SEMA3D: variants seen among roughly 807,000 people sequenced by gnomAD.
SEMA3D encodes semaphorin 3D, also known as semaphorin-3D.
A neutral mutation model predicts 100.1 loss-of-function variants in SEMA3D; 84 were observed. That is an observed-to-expected ratio of 0.84 (90% confidence interval 0.70 to 1.01). SEMA3D has a LOEUF of 1.01. Ranked by LOEUF, SEMA3D falls within the 50% of genes least tolerant of loss-of-function variation. The probability of loss-of-function intolerance (pLI) is 0.00; values close to 1 mark genes in which losing one functional copy is unlikely to be tolerated. For synonymous variants in SEMA3D, 312 were observed against 320.7 expected (o/e 0.97, Z 0.29); for missense variants, 875 against 934.1 (o/e 0.94, Z 0.82).
chr7:85,018,411 T>C, intron 14 of SEMA3D, 118 bp from the exon 15 acceptor site: 1 of 674,902 alleles, frequency 1.5e-6, no homozygotes, highest in Non-Finnish European at 2.6e-6. Context: ...CTCTGTTACA[T>C]AAGGAAATAA....
chr7:85,006,694 T>C, intron 18 of SEMA3D, 108 bp downstream of exon 18: 2 of 912,652 alleles, frequency 2.2e-6, no homozygotes, highest in Non-Finnish European at 3.1e-6. Context: ...CCTGTTATTT[T>C]TTTTAATCAA....
At chr7:85,161,805 C>T (rs1196832058) in intron 1 of SEMA3D, among the ~76,000 whole-genome samples, 1 of 152,080 alleles carries the variant, frequency 6.6e-6, no homozygotes, top group Non-Finnish European at 1.5e-5. Flanking sequence ...GTTAGCAAAA[C>T]AGGTATGTCA....
At chr7:85,201,298 C>T in the SEMA3D span, among the ~76,000 whole-genome samples, 46 of 152,256 alleles carry the variant, frequency 3.0e-4, no homozygotes, top group Non-Finnish European at 5.9e-4. Context: ...TAGCTTTGAT[C>T]GCCTACACTT....
chr7:85,040,245 T>C (rs1363745495), intron 11 of SEMA3D, among the ~76,000 whole-genome samples: 1 of 152,062 alleles, frequency 6.6e-6, no homozygotes, highest in Non-Finnish European at 1.5e-5. Flanking sequence ...CCCAAAGTGC[T>C]GGGATTATAG....
intron 1 of SEMA3D, among the ~76,000 whole-genome samples, chr7:85,169,065 A>G (rs1791012832): frequency 6.6e-6 from 1 of 151,550 alleles, no homozygotes; most frequent in South Asian, 2.1e-4. Context: ...TTTTATCATT[A>G]TTTTCTTATA....
rs1030251648 is a variant in SEMA3D, at chr7:85,152,390, G to T, written c.-41+1218C>A. Among the ~76,000 whole-genome samples, 3 of 152,178 alleles carry T rather than the reference G, an allele frequency of 2.0e-5. 1 individual carries two copies. Among genetic ancestry groups the T allele is most frequent in the African/African-American group, 7.2e-5 (3 of 41,550 alleles). ...TATATGGTAGTCAAAAGACATCATTGTTCTTGCCCTAAAATTAATAGTTTA... is the reference window on the plus strand; with the variant it reads ...TATATGGTAGTCAAAAGACATCATTTTTCTTGCCCTAAAATTAATAGTTTA... On this transcript the variant is annotated intron_variant, in intron 2 of 18. Transcript: ENST00000284136.
intron 2 of SEMA3D, among the ~76,000 whole-genome samples, chr7:85,134,073 T>A (rs1425237780): frequency 6.6e-6 from 1 of 151,982 alleles, no homozygotes; most frequent in Non-Finnish European, 1.5e-5. Context: ...TTAGATAAGG[T>A]CCCTATTGCA....
the SEMA3D span, among the ~76,000 whole-genome samples, chr7:85,195,102 T>A: frequency 6.6e-6 from 1 of 152,174 alleles, no homozygotes; most frequent in Non-Finnish European, 1.5e-5. Context: ...TCCATTGGCA[T>A]ACATTAAGAT....
chr7:85,225,099 T>C, the SEMA3D span, among the ~76,000 whole-genome samples: 38 of 24,888 alleles, frequency 1.5e-3, no homozygotes, highest in Admixed American at 2.8e-3. Context: ...TATATATATA[T>C]ATATATACAT....
intron 3 of SEMA3D, among the ~76,000 whole-genome samples, chr7:85,115,875 T>G (rs1329744308): frequency 6.6e-6 from 1 of 152,160 alleles, no homozygotes; most frequent in African/African-American, 2.4e-5. Context: ...AGTGCATGTT[T>G]AATAGTATAA....
At chr7:85,040,348 G>C (rs943429221) in intron 11 of SEMA3D, among the ~76,000 whole-genome samples, 1 of 151,986 alleles carries the variant, frequency 6.6e-6, no homozygotes, top group Non-Finnish European at 1.5e-5. Flanking sequence ...TTCCTATGGG[G>C]AAGGTATATG....
At chr7:85,036,240 G>C (rs1407781266) in intron 12 of SEMA3D, among the ~76,000 whole-genome samples, 1 of 151,962 alleles carries the variant, frequency 6.6e-6, no homozygotes, top group Non-Finnish European at 1.5e-5. Flanking sequence ...CACTTAAAAT[G>C]CATGTAACAG....
chr7:85,113,777 G>GAA (rs5885450), intron 3 of SEMA3D, among the ~76,000 whole-genome samples: 19 of 150,002 alleles, frequency 1.3e-4, no homozygotes, highest in South Asian at 4.3e-4. Flanking sequence ...CTCAAAAAAA[G>GAA]AAAAAAAAGA....
intron 2 of SEMA3D, chr7:85,140,508 C>T: frequency 1.0e-6 from 1 of 983,954 alleles, no homozygotes; most frequent in Non-Finnish European, 1.2e-6. Context: ...AAAATTGAGA[C>T]ACTGTTGATC....
rs1316755789 is a variant in SEMA3D at position 85,055,953 on chromosome 7, G to T, written c.719-94C>A. On this transcript the variant is annotated intron_variant, in intron 8 of 18. Coordinates refer to ENST00000284136, the MANE Select transcript of SEMA3D (RefSeq NM_001384900.1). ...TTCCACGTAAAAGCAATTAGCAGTA[G>T]AATTTTTAAAAAATGAACTATAAGC... 7 of 653,362 alleles carry T rather than the reference G, an allele frequency of 1.1e-5. No homozygotes were observed. In the Admixed American group the frequency reaches 2.1e-4, roughly 19 times the overall value. 40.5% of individuals were successfully genotyped at this position (653,362 alleles called of 1,614,324 possible). A position where few individuals can be genotyped will look rare whatever the true frequency, so the allele number is the denominator to read the frequency against.
At chr7:85,240,998 G>T in the SEMA3D span, among the ~76,000 whole-genome samples, 1 of 151,968 alleles carries the variant, frequency 6.6e-6, no homozygotes, top group African/African-American at 2.4e-5. Context: ...ATCAAATAGT[G>T]TGCTAAGAAT....
chr7:85,097,739 A>T, intron 4 of SEMA3D, 66 bp downstream of exon 4: 2 of 1,072,406 alleles, frequency 1.9e-6, no homozygotes, highest in Non-Finnish European at 2.7e-6. Flanking sequence ...AAAGCAAAAC[A>T]AAACGGGAGA....
At chr7:85,003,661 AATT>A (rs1415470043) in intron 18 of SEMA3D, among the ~76,000 whole-genome samples, 1 of 151,988 alleles carries the variant, frequency 6.6e-6, no homozygotes, top group African/African-American at 2.4e-5. Context: ...ATGACATTAC[AATT>A]ATTATTAAAT....
intron 2 of SEMA3D, among the ~76,000 whole-genome samples, chr7:85,148,718 A>G (rs1790283310): frequency 6.6e-6 from 1 of 152,102 alleles, no homozygotes. Context: ...GAATATAGTT[A>G]GAAACTTTGA....
Sources: allele counts gnomAD v4.1 joint callset (sites outside exome capture counted in the v4.1 genomes callset), GRCh38; gene constraint gnomAD v4.1.1; transcripts MANE v1.5; gene names NCBI Gene and HGNC (gene_info 2026-07-23, HGNC 2026-07-21).